ALPK2: variants seen among roughly 807,000 people sequenced by gnomAD.
ALPK2 encodes the protein alpha-protein kinase 2.
In ALPK2, 127 loss-of-function variants were observed where a neutral mutation model predicts 163.1. That is an observed-to-expected ratio of 0.78 (90% CI 0.67 to 0.90). ALPK2 has a LOEUF of 0.90. ALPK2 is among the 40% of genes least tolerant of loss of function. The pLI, the probability that ALPK2 is intolerant of heterozygous loss-of-function variation, is 0.00. For synonymous variants in ALPK2, 953 were observed against 959.1 expected (o/e 0.99, Z 0.12); for missense variants, 2,360 against 2,589.6 (o/e 0.91, Z 1.92).
At chr18:58,621,250 A>G (rs1490520809) in intron 1 of ALPK2, among the ~76,000 whole-genome samples, 1 of 151,900 alleles carries the variant, frequency 6.6e-6, no homozygotes, top group East Asian at 1.9e-4. Flanking sequence ...TAAACAATGT[A>G]TAAGAGTGCA....
intron 12 of ALPK2, among the ~76,000 whole-genome samples, chr18:58,495,825 G>A (rs1054186730): frequency 3.9e-5 from 6 of 152,160 alleles, no homozygotes; most frequent in African/African-American, 9.7e-5. Context: ...AGGGCAAGCC[G>A]GAGTGTCCCC....
At chr18:58,582,502 G>A (rs777880786) in intron 3 of ALPK2, among the ~76,000 whole-genome samples, 6 of 151,518 alleles carry the variant, frequency 4.0e-5, no homozygotes, top group Admixed American at 6.6e-5. Flanking sequence ...CCATTCAAGC[G>A]GACTCTTCTC....
chr18:58,583,737 C>CAAAAAAA (rs576126970), intron 3 of ALPK2, among the ~76,000 whole-genome samples: 1 of 119,632 alleles, frequency 8.4e-6, no homozygotes. Context: ...GACTTTGTCT[C>CAAAAAAA]AAAAAAAAAA....
intron 4 of ALPK2, among the ~76,000 whole-genome samples, chr18:58,565,392 AGCTTG>A (rs2051846434): frequency 6.6e-6 from 1 of 152,242 alleles, no homozygotes; most frequent in African/African-American, 2.4e-5. Flanking sequence ...TTATAATATC[AGCTTG>A]GTACTGTACT....
intron 10 of ALPK2, among the ~76,000 whole-genome samples, chr18:58,513,619 A>G (rs1455693203): frequency 2.6e-5 from 4 of 152,196 alleles, no homozygotes; most frequent in Admixed American, 6.5e-5. Flanking sequence ...GCTCATGCCT[A>G]TAACGCCAGC....
chr18:58,579,977 GTA>G lies in ALPK2; in HGVS notation c.797_798del (p.Val266AlafsTer5). ...GGGAGGCTGAAGCTAATGTATTTCT[GTA>G]CTTTGGGATTTTGCTGACTAGAGCG... ...GLRSSQQNPK[V>X]QKYISFSLPL... On this transcript the variant is annotated frameshift_variant, in exon 4 of 13. Coordinates refer to ENST00000361673, the MANE Select transcript of ALPK2 (RefSeq NM_052947.4). LOFTEE classifies it high-confidence loss of function. 1 of 1,614,192 alleles carries G rather than the reference GTA, an allele frequency of 6.2e-7. No individual in the cohort carries two copies. The highest frequency in any genetic ancestry group is 8.5e-7 in the Non-Finnish European group (1 of 1,180,042).
rs35380816 is a variant in ALPK2, at chr18:58,483,726, A to AT, written c.6297-1688dup. Among the ~76,000 whole-genome samples, 407 of 132,816 alleles carry AT rather than the reference A, an allele frequency of 3.1e-3. 6 individuals are homozygous for AT. The highest frequency in any genetic ancestry group is 0.012 in the Middle Eastern group (3 of 242). The allele number at this position is 132,816 out of a possible 152,430, so 87.1% of individuals were successfully genotyped here. On this transcript the variant is annotated intron_variant, in intron 12 of 12. Transcript: ENST00000361673. ...CCACCACACCCGGCTAATTTTTTGTATTTTTTTTTTTTTTTTTAAGTAGAG... is the reference window on the plus strand; with the variant it reads ...CCACCACACCCGGCTAATTTTTTGTATTTTTTTTTTTTTTTTTTAAGTAGAG...
chr18:58,530,490 C>A (rs192394585), intron 5 of ALPK2, among the ~76,000 whole-genome samples: 1 of 152,348 alleles, frequency 6.6e-6, no homozygotes, highest in Non-Finnish European at 1.5e-5. Flanking sequence ...CAGGTCTCGA[C>A]CAAGCCCACC....
chr18:58,482,954 G>A lies in ALPK2; in HGVS notation c.6297-915C>T, dbSNP rs1411209608. Among the ~76,000 whole-genome samples the A allele has an allele frequency of 2.6e-5, 4 of 152,150 alleles. No homozygotes were observed. The South Asian group carries it at 6.2e-4, about 24-fold the overall frequency. On this transcript the variant is annotated intron_variant, in intron 12 of 12. Transcript: ENST00000361673. ...GTAGTAGGCTATTGCAGCTTGTTTA[G>A]TAGCTAGGAAAGTGACCCTGCAGGT...
At chr18:58,487,352 C>T (rs901623037) in intron 12 of ALPK2, among the ~76,000 whole-genome samples, 5 of 152,064 alleles carry the variant, frequency 3.3e-5, no homozygotes, top group Admixed American at 6.6e-5. Context: ...CCAGCAAACC[C>T]GGAAGCCAGA....
chr18:58,573,443 A>G (rs938306698), intron 4 of ALPK2, among the ~76,000 whole-genome samples: 1 of 142,992 alleles, frequency 7.0e-6, no homozygotes, highest in African/African-American at 2.6e-5. Flanking sequence ...GGGTCTTGCT[A>G]TGTTGCCCAG....
intron 4 of ALPK2, among the ~76,000 whole-genome samples, chr18:58,552,332 A>G (rs2051764229): frequency 6.6e-6 from 1 of 152,176 alleles, no homozygotes. Flanking sequence ...TTCAACAAAT[A>G]TTGACAGACA....
At chr18:58,618,960 G>A (rs570092257) in intron 1 of ALPK2, among the ~76,000 whole-genome samples, 145 of 152,310 alleles carry the variant, frequency 9.5e-4, no homozygotes, top group Non-Finnish European at 1.7e-3. Context: ...CAGTCAGGGC[G>A]CCTACTCAGC....
rs2144148548 is a variant in ALPK2, at chr18:58,537,377, G to A, written c.2810C>T (p.Ser937Leu). Reference sequence around the variant, plus strand: ...GAGCTGTGTTTCATCAAGCCCTCCTGAGTTGCTGGGGCTTGGCTGCTCCTG... The same window carrying A: ...GAGCTGTGTTTCATCAAGCCCTCCTAAGTTGCTGGGGCTTGGCTGCTCCTG... ...AGQEQPSPSN[S>L]GGLDETQLLS... is the part of the protein sequence containing the mutation. Residue 937 changes from serine (S) to leucine (L), a missense_variant, in exon 5 of 13, where the codon TCA becomes TTA. Transcript: ENST00000361673. 1.2e-6 allele frequency: 2 copies of A among 1,613,906 alleles called. No individual in the cohort carries two copies. Among genetic ancestry groups the A allele is most frequent in the Middle Eastern group, 1.7e-4 (1 of 6,060 alleles).
At chr18:58,486,496 C>T (rs1035788425) in intron 12 of ALPK2, among the ~76,000 whole-genome samples, 1 of 152,152 alleles carries the variant, frequency 6.6e-6, no homozygotes, top group Non-Finnish European at 1.5e-5. Context: ...GAACGCCTGT[C>T]CAGGGGAGGC....
intron 5 of ALPK2, among the ~76,000 whole-genome samples, chr18:58,530,407 C>T (rs2051607027): frequency 6.6e-6 from 1 of 152,232 alleles, no homozygotes; most frequent in African/African-American, 2.4e-5. Flanking sequence ...AAACCCGCAT[C>T]AGTGCATTTG....
Position 58,523,934 on chromosome 18 carries a change from C to T in ALPK2, c.5629+1G>A. 1.9e-6 allele frequency: 3 copies of T among 1,614,126 alleles called. No individual in the cohort carries two copies. Among genetic ancestry groups the T allele is most frequent in the Non-Finnish European group, 2.5e-6 (3 of 1,180,014 alleles). ...GTTTTTCATTGAAAACTGTGGTTTA[C>T]CTTCAGCTGTGAGGTTAAATTCAGC... On this transcript the variant is annotated splice_donor_variant, in intron 7 of 12. Coordinates refer to ENST00000361673, the MANE Select transcript of ALPK2 (RefSeq NM_052947.4). LOFTEE classifies it high-confidence loss of function.
chr18:58,541,065 A>T (rs2051687187), intron 4 of ALPK2, among the ~76,000 whole-genome samples: 1 of 152,202 alleles, frequency 6.6e-6, no homozygotes, highest in Admixed American at 6.5e-5. Flanking sequence ...ATTGAGATTT[A>T]TTTGCACCTT....
At chr18:58,581,707 G>A (rs1256031653) in intron 3 of ALPK2, among the ~76,000 whole-genome samples, 1 of 152,096 alleles carries the variant, frequency 6.6e-6, no homozygotes, top group Non-Finnish European at 1.5e-5. Flanking sequence ...TCATTTGACC[G>A]CATTGTAATT....
Sources: gnomAD v4.1 joint callset for allele counts (sites outside exome capture counted in the v4.1 genomes callset) on GRCh38, gnomAD v4.1.1 for gene constraint, MANE v1.5 for transcripts, NCBI Gene and HGNC (gene_info 2026-07-23, HGNC 2026-07-21) for gene names.